RECQL5: variants seen among roughly 807,000 people sequenced by gnomAD.
RECQL5 encodes ATP-dependent DNA helicase Q5.
Under a neutral mutation model 103.4 loss-of-function variants are expected in RECQL5, and 88 were observed. The ratio of observed to expected loss-of-function variants is 0.85; its 90% CI spans 0.72 to 1.02. RECQL5 has a LOEUF of 1.02. Ranked by LOEUF, RECQL5 falls within the 50% of genes least tolerant of loss-of-function variation. The probability of loss-of-function intolerance (pLI) is 0.00; values close to 1 mark genes in which losing one functional copy is unlikely to be tolerated. For synonymous variants in RECQL5, 552 were observed against 507.9 expected, an observed-to-expected ratio of 1.09 and a Z score of -1.17; for missense variants, 1,232 against 1,284.3, an observed-to-expected ratio of 0.96 and a Z score of 0.62.
At chr17:75,666,652 C>G in intron 1 of RECQL5, 81 bp from the exon 2 acceptor site, 1 of 1,393,288 alleles carries the variant, frequency 7.2e-7, no homozygotes, top group Non-Finnish European at 9.8e-7. Context: ...GATTATTTTT[C>G]TGTAACAATT....
Position 75,662,524 on chromosome 17 carries a change from C to T in RECQL5, c.726G>A (p.Leu242=), listed in dbSNP as rs747334511. The T allele has an allele frequency of 5.6e-6, 9 of 1,614,186 alleles. No homozygotes were observed. In the South Asian group the frequency reaches 7.7e-5, roughly 14 times the overall value. Residue 242 remains leucine (L), a synonymous_variant, in exon 4 of 20, where the codon CTG becomes CTA. Coordinates refer to ENST00000317905, the MANE Select transcript of RECQL5 (RefSeq NM_004259.7). Reference sequence around the variant, plus strand: ...CAAGAGCCTTAAGGCAGAAGTCCTTCAGGTTCCCATAGGGATCAGAAATCA... The same window carrying T: ...CAAGAGCCTTAAGGCAGAAGTCCTTTAGGTTCCCATAGGGATCAGAAATCA... The part of the protein sequence containing the change: ...KELISDPYGN[L]KDFCLKALGQ...
At chr17:75,630,318 C>T (rs1224746304) in intron 13 of RECQL5, 41 bp from the exon 14 acceptor site, 2 of 1,498,100 alleles carry the variant, frequency 1.3e-6, no homozygotes, top group South Asian at 1.3e-5. Context: ...TCAGGTGGGC[C>T]TGGGCTTCTC....
intron 8 of RECQL5, among the ~76,000 whole-genome samples, chr17:75,645,182 G>A (rs1165070300): frequency 6.6e-6 from 1 of 152,192 alleles, no homozygotes; most frequent in Non-Finnish European, 1.5e-5. Flanking sequence ...AAAACCTTCT[G>A]GGTTTTTACA....
chr17:75,644,161 C>A (rs1009598796), intron 8 of RECQL5, among the ~76,000 whole-genome samples: 3 of 152,088 alleles, frequency 2.0e-5, no homozygotes, highest in East Asian at 3.9e-4. Flanking sequence ...AAAAATTAGC[C>A]GGGTGTGGTG....
chr17:75,665,689 C>CAAAAAAAA (rs1184942786), intron 2 of RECQL5, among the ~76,000 whole-genome samples: 1 of 63,394 alleles, frequency 1.6e-5, no homozygotes, highest in African/African-American at 6.1e-5. Flanking sequence ...GACTCTGTTT[C>CAAAAAAAA]AAAAAAAAAA....
chr17:75,632,522 G>A (rs898127359), intron 8 of RECQL5, among the ~76,000 whole-genome samples: 1 of 152,266 alleles, frequency 6.6e-6, no homozygotes, highest in Non-Finnish European at 1.5e-5. Context: ...GGGTGTCACA[G>A]GTGGGGCCTT....
chr17:75,643,134 C>T (rs1317487545), intron 8 of RECQL5, among the ~76,000 whole-genome samples: 1 of 152,206 alleles, frequency 6.6e-6, no homozygotes, highest in Non-Finnish European at 1.5e-5. Context: ...ACAGGAAACC[C>T]TGCATTTTTC....
At chr17:75,660,655 C>T (rs2059687115) in intron 6 of RECQL5, among the ~76,000 whole-genome samples, 1 of 152,206 alleles carries the variant, frequency 6.6e-6, no homozygotes. Flanking sequence ...TTTATTCCCA[C>T]CTCCTCATAG....
chr17:75,665,068 G>C lies in RECQL5; in HGVS notation c.235C>G (p.Leu79Val), dbSNP rs747076470. 1 of 1,605,480 alleles carries C rather than the reference G, an allele frequency of 6.2e-7. No individual in the cohort carries two copies. Among genetic ancestry groups the C allele is most frequent in the Admixed American group, 1.7e-5 (1 of 58,324 alleles). ...AKGITIVVSP[L>V]IALIQDQVDH... is the part of the protein sequence containing the mutation. ...AGCCTCACCTGAATCAAAGCAATGA[G>C]AGGAGAGACTACAATGGTGATGCCT... Residue 79 changes from leucine to valine, a missense_variant, in exon 3 of 20, where the codon CTC becomes GTC. Coordinates refer to ENST00000317905, the MANE Select transcript of RECQL5 (RefSeq NM_004259.7).
Position 75,662,734 on chromosome 17 carries a change from G to T in RECQL5, c.516C>A (p.Asp172Glu). 6.2e-7 allele frequency: 1 copy of T among 1,613,942 alleles called. No homozygotes were observed. Among genetic ancestry groups the T allele is most frequent in the East Asian group, 2.2e-5 (1 of 44,900 alleles). ...AGCGCAGGGCACCCAGACGCAAGTA[G>T]TCAGGACGAAAGTCATGCCCCCATT... ...VSQWGHDFRPDYLRLGALRSR... is the reference protein window; with the variant it reads ...VSQWGHDFRPEYLRLGALRSR... Residue 172 changes from aspartate to glutamate, a missense_variant, in exon 4 of 20, where the codon GAC becomes GAA. Transcript: ENST00000317905.
rs763518302 is a variant in RECQL5, at chr17:75,627,503, G to A, written c.2895C>T (p.Asn965=). ...GGCCATGGAAGAAGTGCCTGATGAG[G>A]TTCTGGGCCTCTTCTTTCACTACAG... ...PGRSVKEEAQ[N]LIRHFFHGRA... is the part of the protein sequence containing the mutation. Residue 965 remains asparagine, a synonymous_variant, in exon 20 of 20, where the codon AAC becomes AAT. Transcript: ENST00000317905. 3 of 1,613,944 alleles carry A rather than the reference G, an allele frequency of 1.9e-6. No homozygotes were observed. Among genetic ancestry groups the A allele is most frequent in the African/African-American group, 2.7e-5 (2 of 75,066 alleles).
chr17:75,628,701 A>T lies in RECQL5; in HGVS notation c.2551T>A (p.Trp851Arg), dbSNP rs745582738. 7.5e-6 allele frequency: 12 copies of T among 1,590,948 alleles called. No individual in the cohort carries two copies. The Middle Eastern group carries it at 1.9e-3, about 250-fold the overall frequency. ...EVQPTPAKDT[W>R]KGKRPRSQQE... ...TGGGATCGAGGCCGCTTGCCCTTCC[A>T]TGTGTCCTTTGCAGGGGTGGGCTGG... The change falls in exon 17 of 20, where the codon TGG (tryptophan) becomes AGG (arginine). Residue 851 changes from tryptophan (W) to arginine (R), a missense_variant. By Grantham distance (101) the Trp-to-Arg change is moderately radical. Coordinates refer to ENST00000317905, the MANE Select transcript of RECQL5 (RefSeq NM_004259.7).
intron 8 of RECQL5, among the ~76,000 whole-genome samples, chr17:75,644,440 TA>T (rs2059466255): frequency 6.6e-6 from 1 of 151,122 alleles, no homozygotes; most frequent in Admixed American, 6.6e-5. Context: ...ACCCTGTCCC[TA>T]CAAATATAAA....
chr17:75,640,885 G>C lies in RECQL5; in HGVS notation c.1230-9217C>G. 6.5e-7 allele frequency: 1 copy of C among 1,545,584 alleles called. No homozygotes were observed. On this transcript the variant is annotated intron_variant, in intron 8 of 19. Transcript: ENST00000317905. This position sits in a 1 kb window ranked among gnomAD's most constrained non-coding sequence, Gnocchi z 4.6. Reference sequence around the variant, plus strand: ...GAGGCAGGAAGGTCCAGGTGCAGCCGACACCACCATGACGGACGGGCGATG... The same window carrying C: ...GAGGCAGGAAGGTCCAGGTGCAGCCCACACCACCATGACGGACGGGCGATG...
At chr17:75,655,419 A>T (rs906090811) in intron 7 of RECQL5, among the ~76,000 whole-genome samples, 11 of 145,076 alleles carry the variant, frequency 7.6e-5, no homozygotes, top group Admixed American at 1.4e-4. Flanking sequence ...GCTGGAGTGC[A>T]GTGGTGCAAT....
At position 75,631,024 on chromosome 17, in the gene RECQL5, T is replaced by C. The variant is rs936053; in HGVS notation, c.1549-14A>G. On this transcript the variant is annotated splice_polypyrimidine_tract_variant and intron_variant, in intron 10 of 19. Transcript: ENST00000317905. ...GGGGTCTTTGCCCTGGAGGACAACA[T>C]GAAGGACCCATGAGGCGTCCTGCCC... The C allele has an allele frequency of 9.7e-4, 1,566 of 1,613,642 alleles. 11 individuals carry two copies. In the African/African-American group the frequency reaches 0.015, roughly 16 times the overall value.
intron 8 of RECQL5, chr17:75,634,120 G>GC (rs370116133): frequency 3.0e-6 from 3 of 985,514 alleles, no homozygotes; most frequent in Non-Finnish European, 3.6e-6. Context: ...GAGCAGCGGC[G>GC]CCCACGAAGG....
At chr17:75,652,934 C>T (rs2148320692) in intron 7 of RECQL5, among the ~76,000 whole-genome samples, 1 of 152,354 alleles carries the variant, frequency 6.6e-6, no homozygotes, top group African/African-American at 2.4e-5. Flanking sequence ...ACTCCTGCCT[C>T]CCCCACACAA....
Position 75,627,407 on chromosome 17 carries a change from C to G in RECQL5, c.*15G>C, listed in dbSNP as rs2059115526. 1 of 1,607,924 alleles carries G rather than the reference C, an allele frequency of 6.2e-7. No individual in the cohort carries two copies. Among genetic ancestry groups the G allele is most frequent in the South Asian group, 1.1e-5 (1 of 90,958 alleles). On this transcript the variant is annotated 3_prime_UTR_variant, in exon 20 of 20. Coordinates refer to ENST00000317905, the MANE Select transcript of RECQL5 (RefSeq NM_004259.7). ...ATCTGGGGGAGGACGCGGGCCCTGC[C>G]CAGCCAGCAGTTGGTCATCTCTGGG... is the stretch of plus-strand genomic sequence containing the variant.
Sources: gnomAD v4.1 joint callset for allele counts (sites outside exome capture counted in the v4.1 genomes callset) on GRCh38, gnomAD v4.1.1 for gene constraint, Gnocchi (gnomAD v3.1) non-coding constraint, MANE v1.5 for transcripts, NCBI Gene and HGNC (gene_info 2026-07-23, HGNC 2026-07-21) for gene names.